B4GALT5: variants seen among roughly 807,000 people sequenced by gnomAD.
The protein encoded by B4GALT5 is beta-1,4-galactosyltransferase 5.
A neutral mutation model predicts 45.0 loss-of-function variants in B4GALT5; 11 were observed. That is an observed-to-expected ratio of 0.24 (90% CI 0.15 to 0.40). B4GALT5 has a LOEUF of 0.40. B4GALT5 is among the 10% of genes least tolerant of loss of function. The pLI, the probability that B4GALT5 is intolerant of heterozygous loss-of-function variation, is 1.00. For missense variants in B4GALT5, 337 were observed against 500.2 expected (o/e 0.67, Z 3.11); for synonymous variants, 185 against 182.9 (o/e 1.01, Z -0.09).
chr20:49,708,931 C>CAA (rs71186472), intron 1 of B4GALT5, among the ~76,000 whole-genome samples: 1 of 135,978 alleles, frequency 7.4e-6, no homozygotes, highest in Non-Finnish European at 1.6e-5. Context: ...GACTCCATCT[C>CAA]AAAAAAAAAA....
At chr20:49,657,301 A>T (rs767788417) in intron 1 of B4GALT5, among the ~76,000 whole-genome samples, 7 of 152,210 alleles carry the variant, frequency 4.6e-5, no homozygotes, top group Non-Finnish European at 7.3e-5. Flanking sequence ...CCAGCCCAAA[A>T]GTCCAAAGCA....
At chr20:49,710,409 T>C (rs13038269) in intron 1 of B4GALT5, among the ~76,000 whole-genome samples, 1 of 148,046 alleles carries the variant, frequency 6.8e-6, no homozygotes, top group African/African-American at 2.5e-5. Context: ...CTCTCTCTTT[T>C]TTTTTTTTTT....
At chr20:49,713,123 G>A (rs1256338460) in intron 1 of B4GALT5, among the ~76,000 whole-genome samples, 2 of 151,778 alleles carry the variant, frequency 1.3e-5, no homozygotes, top group African/African-American at 4.8e-5. Context: ...CTGGGACCCG[G>A]GCACATGGGC....
At chr20:49,659,815 CTT>C (rs113286413) in intron 1 of B4GALT5, among the ~76,000 whole-genome samples, 6 of 145,130 alleles carry the variant, frequency 4.1e-5, no homozygotes, top group Admixed American at 1.4e-4. Context: ...TTCTTTTTTT[CTT>C]TTTTTTTTTT....
chr20:49,687,372 G>A (rs1484820268), intron 1 of B4GALT5, among the ~76,000 whole-genome samples: 12 of 152,182 alleles, frequency 7.9e-5, no homozygotes, highest in African/African-American at 2.2e-4. Context: ...CATGCTGGGC[G>A]CGGTGGCTCA....
chr20:49,679,254 G>GT (rs1230716929), intron 1 of B4GALT5, among the ~76,000 whole-genome samples: 1 of 152,128 alleles, frequency 6.6e-6, no homozygotes, highest in African/African-American at 2.4e-5. Context: ...ACTAAAAAGG[G>GT]TTTTTTGCTG....
intron 1 of B4GALT5, among the ~76,000 whole-genome samples, chr20:49,708,231 C>T (rs148543556): frequency 8.9e-4 from 136 of 151,966 alleles, no homozygotes; most frequent in African/African-American, 3.2e-3. Flanking sequence ...GGTGACAGAG[C>T]GAGAGACTTC....
At chr20:49,710,616 C>T (rs2085904925) in intron 1 of B4GALT5, among the ~76,000 whole-genome samples, 1 of 152,014 alleles carries the variant, frequency 6.6e-6, no homozygotes, top group South Asian at 2.1e-4. Flanking sequence ...GACAGGGTTT[C>T]ACCATCTTGG....
chr20:49,695,097 C>CT (rs763721449), intron 1 of B4GALT5, among the ~76,000 whole-genome samples: 9,297 of 135,606 alleles, frequency 0.069, 526 homozygotes, highest in African/African-American at 0.16. Flanking sequence ...TCATTAGGTT[C>CT]TTTTTTTTTT....
intron 1 of B4GALT5, among the ~76,000 whole-genome samples, chr20:49,692,116 T>C (rs1172061741): frequency 6.6e-6 from 1 of 152,166 alleles, no homozygotes; most frequent in Non-Finnish European, 1.5e-5. Context: ...CCCCTACAAT[T>C]ATGCTTTCTC....
chr20:49,700,971 C>A (rs2085859078), intron 1 of B4GALT5, among the ~76,000 whole-genome samples: 1 of 152,230 alleles, frequency 6.6e-6, no homozygotes, highest in African/African-American at 2.4e-5. Context: ...TTAACTCCAA[C>A]TGAACACCAG....
chr20:49,663,687 A>G (rs1157055369), intron 1 of B4GALT5, among the ~76,000 whole-genome samples: 3 of 104,548 alleles, frequency 2.9e-5, no homozygotes, highest in African/African-American at 1.2e-4. Context: ...AAAAAAAAAA[A>G]AAAATATATA....
At chr20:49,671,626 GTCTTT>G (rs1275764392) in intron 1 of B4GALT5, among the ~76,000 whole-genome samples, 2 of 152,148 alleles carry the variant, frequency 1.3e-5, no homozygotes, top group East Asian at 3.9e-4. Flanking sequence ...CATCTGGGTT[GTCTTT>G]TCTTTGTTAC....
intron 1 of B4GALT5, among the ~76,000 whole-genome samples, chr20:49,703,138 C>A (rs1358765275): frequency 7.2e-6 from 1 of 139,026 alleles, no homozygotes; most frequent in South Asian, 2.3e-4. Context: ...GGCGCCACTG[C>A]ACTCCAGCCT....
chr20:49,711,076 CAAAA>C (rs5841766), intron 1 of B4GALT5, among the ~76,000 whole-genome samples: 1 of 131,894 alleles, frequency 7.6e-6, no homozygotes, highest in Non-Finnish European at 1.6e-5. Context: ...GACTCTCTAT[CAAAA>C]AAAAAAAAAA....
intron 1 of B4GALT5, among the ~76,000 whole-genome samples, chr20:49,675,423 A>G (rs1370320873): frequency 6.6e-6 from 1 of 152,168 alleles, no homozygotes; most frequent in Non-Finnish European, 1.5e-5. Context: ...GGCCACAGGG[A>G]GTAAGTTTAT....
chr20:49,667,035 T>C (rs1453552101), intron 1 of B4GALT5, among the ~76,000 whole-genome samples: 1 of 152,118 alleles, frequency 6.6e-6, no homozygotes, highest in Non-Finnish European at 1.5e-5. Context: ...ACCATCAATT[T>C]AGAGATGAAA....
chr20:49,692,817 C>T (rs2085820729), intron 1 of B4GALT5, among the ~76,000 whole-genome samples: 1 of 152,170 alleles, frequency 6.6e-6, no homozygotes, highest in South Asian at 2.1e-4. Flanking sequence ...AAAAATTACA[C>T]ACACCAAAAA....
intron 1 of B4GALT5, among the ~76,000 whole-genome samples, chr20:49,675,635 C>G (rs2085734089): frequency 6.6e-6 from 1 of 152,190 alleles, no homozygotes; most frequent in Non-Finnish European, 1.5e-5. Context: ...TGAACTACAA[C>G]TACCCAAGCA....
Sources: gnomAD v4.1 joint callset for allele counts (sites outside exome capture counted in the v4.1 genomes callset) on GRCh38, gnomAD v4.1.1 for gene constraint, MANE v1.5 for transcripts, NCBI Gene and HGNC (gene_info 2026-07-23, HGNC 2026-07-21) for gene names.